Variants in MITF observed in about 807,000 individuals in gnomAD.
MITF encodes the protein melanocyte inducing transcription factor.
MITF carries 17 observed loss-of-function variants against 60.5 expected under a neutral mutation model. The observed-to-expected ratio is 0.28, with a 90% confidence interval of 0.19 to 0.42. The LOEUF is 0.42. Ranked by LOEUF, MITF falls within the 10% of genes least tolerant of loss-of-function variation. The pLI, the probability that MITF is intolerant of heterozygous loss-of-function variation, is 1.00. For missense variants in MITF, 622 were observed against 683.5 expected (o/e 0.91, Z 1.00); for synonymous variants, 260 against 248.5 (o/e 1.05, Z -0.43).
At chr3:69,754,193 G>A (rs1425676571) in intron 1 of MITF, among the ~76,000 whole-genome samples, 1 of 151,726 alleles carries the variant, frequency 6.6e-6, no homozygotes, top group Non-Finnish European at 1.5e-5. Flanking sequence ...TATGAGTGTG[G>A]CACCACCCCT....
intron 1 of MITF, among the ~76,000 whole-genome samples, chr3:69,864,904 C>T (rs1359257617): frequency 6.6e-6 from 1 of 152,180 alleles, no homozygotes; most frequent in African/African-American, 2.4e-5. Flanking sequence ...GAAGTCCCTG[C>T]CTAAGGAAAG....
chr3:69,946,911 C>T (rs2066111189), intron 5 of MITF, among the ~76,000 whole-genome samples: 1 of 152,110 alleles, frequency 6.6e-6, no homozygotes, highest in African/African-American at 2.4e-5. Context: ...CCACGTTGCT[C>T]TTTGTCTCCC....
chr3:69,939,912 C>G (rs1322238220), intron 4 of MITF, among the ~76,000 whole-genome samples: 3 of 152,130 alleles, frequency 2.0e-5, no homozygotes, highest in Non-Finnish European at 4.4e-5. Context: ...TGCATATTTA[C>G]CAACTCAATT....
intron 2 of MITF, chr3:69,936,544 C>T: frequency 7.3e-7 from 1 of 1,376,684 alleles, no homozygotes; most frequent in African/African-American, 1.5e-5. Flanking sequence ...ACATGCATAA[C>T]TAATTAGCTT....
At chr3:69,921,802 C>T (rs757265325) in intron 2 of MITF, among the ~76,000 whole-genome samples, 1 of 152,144 alleles carries the variant, frequency 6.6e-6, no homozygotes, top group Non-Finnish European at 1.5e-5. Context: ...AGGAAATTGG[C>T]ACAGCCTCTT....
Position 69,864,501 on chromosome 3 carries a change from C to T in MITF, c.105-14633C>T, listed in dbSNP as rs138087943. ...ACTTTTCTCCACTTTGCACATCTGC[C>T]CTTCCCATGAGCTACCATCACCTCC... is the stretch of plus-strand genomic sequence containing the variant. On this transcript the variant is annotated intron_variant, in intron 1 of 9. Coordinates refer to ENST00000352241, the MANE Select transcript of MITF (RefSeq NM_001354604.2). 2.5e-3 allele frequency among the ~76,000 whole-genome samples: 377 copies of T among 152,276 alleles called. 1 individual carries two copies. Among genetic ancestry groups the T allele is most frequent in the Non-Finnish European group, 4.2e-3 (287 of 68,014 alleles).
chr3:69,858,533 G>C (rs542451429), intron 1 of MITF, among the ~76,000 whole-genome samples: 11 of 152,032 alleles, frequency 7.2e-5, no homozygotes, highest in Non-Finnish European at 1.5e-4. Context: ...TCCTGGGTAT[G>C]TTTACATAGA....
chr3:69,808,086 C>G (rs1468614462), intron 1 of MITF, among the ~76,000 whole-genome samples: 2 of 147,172 alleles, frequency 1.4e-5, no homozygotes, highest in Admixed American at 6.8e-5. Flanking sequence ...TTTATATATA[C>G]AGATATAAAA....
chr3:69,852,659 T>C (rs957141701), intron 1 of MITF, among the ~76,000 whole-genome samples: 2 of 152,180 alleles, frequency 1.3e-5, no homozygotes, highest in African/African-American at 4.8e-5. Flanking sequence ...CATATAAATT[T>C]ATCTGGTTTG....
chr3:69,841,125 G>C (rs2063628817), intron 1 of MITF, among the ~76,000 whole-genome samples: 1 of 152,178 alleles, frequency 6.6e-6, no homozygotes, highest in Non-Finnish European at 1.5e-5. Flanking sequence ...TGGAATGACA[G>C]ACATATTTCA....
At chr3:69,874,799 G>A (rs553825817) in intron 1 of MITF, among the ~76,000 whole-genome samples, 1 of 152,324 alleles carries the variant, frequency 6.6e-6, no homozygotes, top group African/African-American at 2.4e-5. Context: ...TTGGATGCTG[G>A]AGCATTGAAT....
At chr3:69,893,150 C>T (rs1310449620) in intron 2 of MITF, among the ~76,000 whole-genome samples, 1 of 152,148 alleles carries the variant, frequency 6.6e-6, no homozygotes, top group Non-Finnish European at 1.5e-5. Context: ...ACCTTCTTAC[C>T]TCCCTTTCAT....
intron 1 of MITF, among the ~76,000 whole-genome samples, chr3:69,779,509 T>C (rs1022615250): frequency 6.6e-6 from 1 of 152,096 alleles, no homozygotes; most frequent in Non-Finnish European, 1.5e-5. Context: ...CACACACATG[T>C]AGTGTGCAAA....
chr3:69,761,353 A>G (rs149658621), intron 1 of MITF, among the ~76,000 whole-genome samples: 1 of 152,312 alleles, frequency 6.6e-6, no homozygotes, highest in African/African-American at 2.4e-5. Context: ...CATTTTATAA[A>G]TGAAGAAACT....
intron 1 of MITF, chr3:69,838,637 G>A (rs531420591): frequency 2.0e-4 from 30 of 152,748 alleles, no homozygotes; most frequent in Non-Finnish European, 3.5e-4. Context: ...CCCAGGGTAA[G>A]TCTGATTTTG....
intron 1 of MITF, among the ~76,000 whole-genome samples, chr3:69,817,404 A>G (rs2063198369): frequency 6.6e-6 from 1 of 152,136 alleles, no homozygotes; most frequent in Non-Finnish European, 1.5e-5. Context: ...GTATTTGAGA[A>G]ATTGTTGAAT....
rs1020628701 is a variant in MITF at position 69,966,322 on chromosome 3, A to G, written c.*1074A>G. ...CACCCATGAAAGAAAACTTTTATGC[A>G]AGGTCTTGCATTTAAAAGACAGCTT... On this transcript the variant is annotated 3_prime_UTR_variant, in exon 10 of 10. Coordinates refer to ENST00000352241, the MANE Select transcript of MITF (RefSeq NM_001354604.2). 4.3e-6 allele frequency: 1 copy of G among 232,890 alleles called. No homozygotes were observed. The highest frequency in any genetic ancestry group is 8.5e-6 in the Non-Finnish European group (1 of 117,698). The allele number at this position is 232,890 out of a possible 1,614,324, so 14.4% of individuals were successfully genotyped here. A position where few individuals can be genotyped will look rare whatever the true frequency, so the allele number is the denominator to read the frequency against.
At chr3:69,746,636 A>G (rs1052756160) in intron 1 of MITF, among the ~76,000 whole-genome samples, 10 of 152,222 alleles carry the variant, frequency 6.6e-5, no homozygotes, top group African/African-American at 2.2e-4. Context: ...GGAGAAAATA[A>G]TCATGAAGAC....
chr3:69,874,614 T>C (rs1031351091), intron 1 of MITF, among the ~76,000 whole-genome samples: 5 of 151,872 alleles, frequency 3.3e-5, no homozygotes, highest in Admixed American at 6.6e-5. Context: ...GCCTGAGGAG[T>C]GGACTAAAGG....
Sources: allele counts gnomAD v4.1 joint callset (sites outside exome capture counted in the v4.1 genomes callset), GRCh38; gene constraint gnomAD v4.1.1; transcripts MANE v1.5; gene names NCBI Gene and HGNC (gene_info 2026-07-23, HGNC 2026-07-21).